The following EXOSC10 variants were observed in gnomAD, a reference collection of about 807,000 sequenced individuals.
The protein encoded by EXOSC10 is exosome complex component 10.
EXOSC10 carries 94 observed loss-of-function variants against 126.6 expected under a neutral mutation model. The ratio of observed to expected loss-of-function variants is 0.74; its 90% CI spans 0.63 to 0.88. The LOEUF is 0.88. Among genes scored for constraint, EXOSC10 ranks in the 40% least tolerant of loss-of-function variants. EXOSC10 has a pLI of 0.00. For synonymous variants in EXOSC10, 395 were observed against 400.8 expected (o/e 0.99, Z 0.17); for missense variants, 1,041 against 1,100.5 (o/e 0.95, Z 0.77).
At chr1:11,098,654 T>C (rs1641250925) in intron 1 of EXOSC10, among the ~76,000 whole-genome samples, 1 of 152,256 alleles carries the variant, frequency 6.6e-6, no homozygotes, top group African/African-American at 2.4e-5. Flanking sequence ...TTTGTTTTTG[T>C]GTTTTCATCT....
At chr1:11,069,788 T>TC in intron 21 of EXOSC10, 58 bp from the exon 22 acceptor site, 1 of 1,582,730 alleles carries the variant, frequency 6.3e-7, no homozygotes, top group Non-Finnish European at 8.6e-7. Context: ...AACAGGGAAC[T>TC]CCACCGGCCT....
intron 3 of EXOSC10, chr1:11,095,537 C>A (rs1376495909): frequency 2.4e-5 from 9 of 371,152 alleles, no homozygotes; most frequent in Non-Finnish European, 4.7e-5. Flanking sequence ...CACGGTGAAA[C>A]CCCGTCTCTA....
At chr1:11,077,995 C>G (rs2100972144) in intron 14 of EXOSC10, among the ~76,000 whole-genome samples, 1 of 152,196 alleles carries the variant, frequency 6.6e-6, no homozygotes, top group East Asian at 1.9e-4. Context: ...AAATGTGGGG[C>G]TGGCAGGTGG....
In EXOSC10 at chr1:11,068,010, G is replaced by A. The variant is rs1249831171; in HGVS notation, c.2625C>T (p.Asp875=). The stretch of plus-strand genomic sequence containing the variant: ...CCACACCGCCGTCCACCACATACCT[G>A]TCTGACTTTCCAGTTGGAAAGGACA... ...KSMSFPTGKS[D]RGFRYNWPQR Residue 875 remains aspartate, a splice_region_variant and synonymous_variant, in exon 24 of 25, where the codon GAC becomes GAT. Transcript: ENST00000376936. 3 of 1,614,024 alleles carry A rather than the reference G, an allele frequency of 1.9e-6. No homozygotes were observed. Among genetic ancestry groups the A allele is most frequent in the East Asian group, 2.2e-5 (1 of 44,882 alleles).
In EXOSC10 at chr1:11,091,068, G is replaced by T; in HGVS notation, c.589C>A (p.Pro197Thr). The T allele has an allele frequency of 6.2e-7, 1 of 1,614,196 alleles. No homozygotes were observed. Among genetic ancestry groups the T allele is most frequent in the Non-Finnish European group, 8.5e-7 (1 of 1,180,020 alleles). ...TTGATGAAGATTTTAGGAAGAAATG[G>T]TGTGTTGGAATTGTCAATCTTCTCT... ...FREKIDNSNT[P>T]FLPKIFIKPN... is the part of the protein sequence containing the mutation. The change falls in exon 5 of 25, where the codon CCA becomes ACA. Residue 197 changes from proline to threonine, a missense_variant. Physicochemically the swap from Pro to Thr is conservative, Grantham distance 38. Transcript: ENST00000376936.
chr1:11,098,178 G>A, intron 1 of EXOSC10, 22 bp from the exon 2 acceptor site: 1 of 1,586,494 alleles, frequency 6.3e-7, no homozygotes, highest in Non-Finnish European at 8.5e-7. Context: ...AAGAAAAGAT[G>A]GCATGTTTAC....
intron 20 of EXOSC10, chr1:11,071,225 T>C (rs541157701): frequency 4.0e-6 from 2 of 495,048 alleles, no homozygotes; most frequent in East Asian, 6.5e-5. Context: ...TGAACCTAAA[T>C]GCTCAGTGGC....
At chr1:11,096,471 C>CTTTTTTT (rs70977546) in intron 2 of EXOSC10, among the ~76,000 whole-genome samples, 1 of 118,802 alleles carries the variant, frequency 8.4e-6, no homozygotes, top group Admixed American at 9.1e-5. Context: ...TTCTTTCTTT[C>CTTTTTTT]TTTTTTTTTT....
intron 10 of EXOSC10, among the ~76,000 whole-genome samples, chr1:11,081,919 C>CTG (rs946663800): frequency 3.3e-5 from 5 of 151,852 alleles, no homozygotes; most frequent in African/African-American, 1.2e-4. Context: ...CTCGTCTCTA[C>CTG]TGGAAATACA....
chr1:11,070,348 G>A (rs893026178), intron 21 of EXOSC10, among the ~76,000 whole-genome samples: 2 of 149,354 alleles, frequency 1.3e-5, no homozygotes, highest in African/African-American at 4.9e-5. Context: ...GTGAGACCCC[G>A]TCTCCACCAA....
rs532842018 is a variant in EXOSC10 at position 11,085,867 on chromosome 1, T to A, written c.1089+1581A>T. Among the ~76,000 whole-genome samples, 358 of 152,338 alleles carry A rather than the reference T, an allele frequency of 2.4e-3. 3 individuals carry two copies. The highest frequency in any genetic ancestry group is 7.8e-3 in the African/African-American group (323 of 41,574). The stretch of plus-strand genomic sequence containing the variant: ...TTTTGTCAAAGGCCTTTTCTGCATC[T>A]ATTGAGATAATCACGTGGTTTTTGT... On this transcript the variant is annotated intron_variant, in intron 9 of 24. Transcript: ENST00000376936.
intron 9 of EXOSC10, among the ~76,000 whole-genome samples, chr1:11,084,977 A>G (rs939674161): frequency 6.6e-6 from 1 of 152,060 alleles, no homozygotes; most frequent in African/African-American, 2.4e-5. Flanking sequence ...GTTCTGTTCT[A>G]TTGATCTATA....
At chr1:11,097,999 A>G (rs748996422) in intron 2 of EXOSC10, 21 bp downstream of exon 2, 2 of 1,506,000 alleles carry the variant, frequency 1.3e-6, no homozygotes, top group South Asian at 2.6e-5. Flanking sequence ...CTAACACAAG[A>G]AAACAAAGTA....
At chr1:11,099,633 G>A (rs1483521760) in intron 1 of EXOSC10, 88 bp downstream of exon 1, 15 of 1,375,838 alleles carry the variant, frequency 1.1e-5, no homozygotes, top group Non-Finnish European at 1.3e-5. Context: ...CTCCACTACG[G>A]CGGGCGGGCA....
intron 3 of EXOSC10, among the ~76,000 whole-genome samples, chr1:11,092,736 C>T (rs1006140068): frequency 6.6e-6 from 1 of 152,076 alleles, no homozygotes; most frequent in Non-Finnish European, 1.5e-5. Flanking sequence ...CCAAGCTGGT[C>T]TTGAACTCTT....
chr1:11,070,993 T>A lies in EXOSC10; in HGVS notation c.2243-20A>T. 1 of 1,611,924 alleles carries A rather than the reference T, an allele frequency of 6.2e-7. No homozygotes were observed. The highest frequency in any genetic ancestry group is 8.5e-7 in the Non-Finnish European group (1 of 1,179,062). On this transcript the variant is annotated intron_variant, in intron 20 of 24. Transcript: ENST00000376936. Reference sequence around the variant, plus strand: ...GGGCAGCTGCAAGGGAGAGAACTTGTCTCTGGAGTTGGTGAATCCAGCAAC... The same window carrying A: ...GGGCAGCTGCAAGGGAGAGAACTTGACTCTGGAGTTGGTGAATCCAGCAAC...
chr1:11,082,327 GCACA>G (rs151047804), intron 10 of EXOSC10, among the ~76,000 whole-genome samples: 6 of 149,390 alleles, frequency 4.0e-5, no homozygotes, highest in South Asian at 2.1e-4. Context: ...AGGTCATCTT[GCACA>G]CACACACACA....
rs777857502 is a variant in EXOSC10, at chr1:11,077,380, T to C, written c.1864A>G (p.Ile622Val). ...CSHAPPDGYPIIPTSGSVPVQ... is the reference protein window; with the variant it reads ...CSHAPPDGYPVIPTSGSVPVQ... The stretch of plus-strand genomic sequence containing the variant: ...TCGACTTTACCACTGGTTGGGATGA[T>C]TGGATAGCCATCCGGAGGGGCATGG... Residue 622 changes from isoleucine (I) to valine (V), a missense_variant, in exon 16 of 25, where the codon ATC (isoleucine) becomes GTC (valine). Physicochemically the swap from Ile to Val is conservative, Grantham distance 29. Coordinates refer to ENST00000376936, the MANE Select transcript of EXOSC10 (RefSeq NM_001001998.3). The C allele has an allele frequency of 1.3e-5, 21 of 1,611,862 alleles. No individual in the cohort carries two copies. The highest frequency in any genetic ancestry group is 1.7e-4 in the Middle Eastern group (1 of 5,940).
chr1:11,088,216 A>C lies in EXOSC10; in HGVS notation c.759-18T>G. ...GTGCAAACCTGAGTAAATAAAACAAAAAGAGAAATCATTCTGATTAATTCC... is the reference window on the plus strand; with the variant it reads ...GTGCAAACCTGAGTAAATAAAACAACAAGAGAAATCATTCTGATTAATTCC... On this transcript the variant is annotated intron_variant, in intron 6 of 24. Transcript: ENST00000376936. 3 of 1,574,136 alleles carry C rather than the reference A, an allele frequency of 1.9e-6. No individual in the cohort carries two copies. Among genetic ancestry groups the C allele is most frequent in the Middle Eastern group, 1.7e-4 (1 of 6,000 alleles).
Sources: gnomAD v4.1 joint callset for allele counts (sites outside exome capture counted in the v4.1 genomes callset) on GRCh38, gnomAD v4.1.1 for gene constraint, MANE v1.5 for transcripts, NCBI Gene and HGNC (gene_info 2026-07-23, HGNC 2026-07-21) for gene names.